Variants in PHF2 observed in about 807,000 individuals in gnomAD.
PHF2 encodes the protein PHD finger protein 2.
A neutral mutation model predicts 120.5 loss-of-function variants in PHF2; 27 were observed. That is an observed-to-expected ratio of 0.22 (90% confidence interval 0.17 to 0.31). The LOEUF is 0.31. Ranked by LOEUF, PHF2 falls within the 10% of genes least tolerant of loss-of-function variation. PHF2 has a pLI of 1.00. For synonymous variants in PHF2, 568 were observed against 592.5 expected, an observed-to-expected ratio of 0.96 and a Z score of 0.60; for missense variants, 1,024 against 1,434.8, an observed-to-expected ratio of 0.71 and a Z score of 4.63.
At chr9:93,664,364 C>G (rs983321885) in intron 14 of PHF2, among the ~76,000 whole-genome samples, 1 of 152,142 alleles carries the variant, frequency 6.6e-6, no homozygotes, top group Non-Finnish European at 1.5e-5. Flanking sequence ...GTGGCAACCT[C>G]GAGAGCCTCA....
At chr9:93,578,014 C>T (rs1017958627) in intron 1 of PHF2, among the ~76,000 whole-genome samples, 2 of 152,150 alleles carry the variant, frequency 1.3e-5, no homozygotes, top group East Asian at 1.9e-4. Context: ...GTGGGTGGTC[C>T]GGGATTCTCC....
intron 17 of PHF2, among the ~76,000 whole-genome samples, chr9:93,667,573 A>G (rs910843860): frequency 1.3e-5 from 2 of 152,120 alleles, no homozygotes; most frequent in Admixed American, 6.5e-5. Context: ...CTCAGGGGGC[A>G]GAGGTGTAGC....
chr9:93,654,364 A>AC (rs747931330), intron 6 of PHF2, 49 bp from the exon 7 acceptor site: 1 of 1,587,104 alleles, frequency 6.3e-7, no homozygotes, highest in Admixed American at 1.7e-5. Flanking sequence ...TGCACCCCCG[A>AC]CCCCCGCATC....
chr9:93,669,772 G>T (rs1319571499), intron 17 of PHF2, among the ~76,000 whole-genome samples: 1 of 152,170 alleles, frequency 6.6e-6, no homozygotes, highest in African/African-American at 2.4e-5. Context: ...TGGGCTCCCT[G>T]TGGCAGCTTC....
At chr9:93,615,451 C>T (rs1221217211) in intron 1 of PHF2, among the ~76,000 whole-genome samples, 3 of 152,116 alleles carry the variant, frequency 2.0e-5, no homozygotes, top group Admixed American at 6.5e-5. Context: ...TCTTTACAGC[C>T]ACCAGCTATG....
At position 93,614,129 on chromosome 9, in the gene PHF2, C is replaced by T. The variant is rs375055667; in HGVS notation, c.99-15841C>T. 9.9e-5 allele frequency among the ~76,000 whole-genome samples: 15 copies of T among 152,228 alleles called. 1 individual carries two copies. The highest frequency in any genetic ancestry group is 3.1e-4 in the African/African-American group (13 of 41,450). On this transcript the variant is annotated intron_variant, in intron 1 of 21. Transcript: ENST00000359246. ...TGCCCTCTACCTTAGACCATGGCCA[C>T]CTCCCTCTAGAGTGAGTGACTTTGG...
Position 93,676,617 on chromosome 9 carries a change from A to G in PHF2, c.2856A>G (p.Lys952=). The G allele has an allele frequency of 1.9e-6, 3 of 1,601,752 alleles. No homozygotes were observed. Among genetic ancestry groups the G allele is most frequent in the Non-Finnish European group, 2.6e-6 (3 of 1,171,136 alleles). ...AGGAGGAGCAGAAAAGCAAGAAAAA[A>G]AAGAGTGCCAAGAGGAAGCTGACTC... ...SQQEEQKSKK[K]KSAKRKLTPN... is the part of the protein sequence containing the mutation. The change falls in exon 21 of 22, where the codon AAA becomes AAG. Residue 952 remains lysine (K), a synonymous_variant. Transcript: ENST00000359246.
At chr9:93,668,473 C>T (rs1053630588) in intron 17 of PHF2, among the ~76,000 whole-genome samples, 1 of 152,158 alleles carries the variant, frequency 6.6e-6, no homozygotes, top group Non-Finnish European at 1.5e-5. Context: ...CTAGGCCCCT[C>T]CCGAGGTCCA....
intron 18 of PHF2, among the ~76,000 whole-genome samples, chr9:93,674,652 G>C (rs1189321022): frequency 1.3e-5 from 2 of 152,146 alleles, no homozygotes; most frequent in African/African-American, 4.8e-5. Flanking sequence ...CTGGGGCTAG[G>C]CTGCACAGAT....
Position 93,673,567 on chromosome 9 carries a change from GTC to G in PHF2, c.2349-12_2349-11del, listed in dbSNP as rs2118134377. Reference sequence around the variant, plus strand: ...GCCAAGAGCACTGGGCTGAGTGCCTGTCTCTCTGTGCCCCTAGCCAGCCCCCG... The same window carrying G: ...GCCAAGAGCACTGGGCTGAGTGCCTGTCTCTGTGCCCCTAGCCAGCCCCCG... On this transcript the variant is annotated splice_polypyrimidine_tract_variant and intron_variant, in intron 17 of 21. Transcript: ENST00000359246. 2 of 1,540,504 alleles carry G rather than the reference GTC, an allele frequency of 1.3e-6. No homozygotes were observed. Among genetic ancestry groups the G allele is most frequent in the Non-Finnish European group, 8.8e-7 (1 of 1,139,414 alleles).
chr9:93,654,921 C>T (rs1042446616), intron 7 of PHF2, among the ~76,000 whole-genome samples: 1 of 152,200 alleles, frequency 6.6e-6, no homozygotes, highest in African/African-American at 2.4e-5. Flanking sequence ...GAGCCCATGG[C>T]TGGAGACCCA....
At chr9:93,635,869 A>AG (rs1022251769) in intron 2 of PHF2, among the ~76,000 whole-genome samples, 1 of 152,086 alleles carries the variant, frequency 6.6e-6, no homozygotes, top group African/African-American at 2.4e-5. Context: ...GGCGGTGGTC[A>AG]GGGGAGGGCT....
rs905164226 is a variant in PHF2, at chr9:93,625,468, C to CTTT, written c.99-4478_99-4476dup. ...TATGTACAAGGATTTGTTTGAGTACCTTTTTTTTTTTTTTTTTTTTTTTTT... is the reference window on the plus strand; with the variant it reads ...TATGTACAAGGATTTGTTTGAGTACCTTTTTTTTTTTTTTTTTTTTTTTTTTTT... On this transcript the variant is annotated intron_variant, in intron 1 of 21. Transcript: ENST00000359246. 7.8e-4 allele frequency among the ~76,000 whole-genome samples: 74 copies of CTTT among 94,710 alleles called. 8 individuals carry two copies. The highest frequency in any genetic ancestry group is 3.4e-3 in the African/African-American group (64 of 18,718). The allele number at this position is 94,710 out of a possible 152,430, so 62.1% of individuals were successfully genotyped here.
intron 1 of PHF2, among the ~76,000 whole-genome samples, chr9:93,585,838 T>C (rs1863032071): frequency 6.6e-6 from 1 of 152,226 alleles, no homozygotes; most frequent in Admixed American, 6.5e-5. Flanking sequence ...CCGGGAAAGC[T>C]TGGGCCATTG....
chr9:93,577,026 C>G (rs1211574796), intron 1 of PHF2, among the ~76,000 whole-genome samples, 155 bp downstream of exon 1: 8 of 145,764 alleles, frequency 5.5e-5, no homozygotes, highest in African/African-American at 9.8e-5. Flanking sequence ...GGGGCTGGGC[C>G]GTGCCGGGCC....
At chr9:93,591,320 A>G (rs577905811) in intron 1 of PHF2, among the ~76,000 whole-genome samples, 2 of 152,382 alleles carry the variant, frequency 1.3e-5, no homozygotes, top group South Asian at 4.1e-4. Flanking sequence ...AGGAAGATGT[A>G]ATGAAATTAG....
rs1158735768 is a variant in PHF2, at chr9:93,596,925, ATTTTTTT to A, written c.98+20073_98+20079del. Among the ~76,000 whole-genome samples, 274 of 88,506 alleles carry A rather than the reference ATTTTTTT, an allele frequency of 3.1e-3. 2 individuals carry two copies. The highest frequency in any genetic ancestry group is 0.012 in the African/African-American group (254 of 21,492). The allele number at this position is 88,506 out of a possible 152,430, so 58.1% of individuals were successfully genotyped here. A position where few individuals can be genotyped will look rare whatever the true frequency, so the allele number is the denominator to read the frequency against. ...AGGCACGCGCCAGCACGCCCAGCTA[ATTTTTTT>A]TTTTTTTTTTTTTTTTTTGAGACAG... On this transcript the variant is annotated intron_variant, in intron 1 of 21. Transcript: ENST00000359246.
At chr9:93,640,418 T>C (rs1306784041) in intron 3 of PHF2, among the ~76,000 whole-genome samples, 1 of 152,062 alleles carries the variant, frequency 6.6e-6, no homozygotes, top group African/African-American at 2.4e-5. Context: ...GGATTTCAGG[T>C]TGGAAGTTTT....
chr9:93,602,452 T>C (rs7869286), intron 1 of PHF2, among the ~76,000 whole-genome samples: 124,611 of 151,634 alleles, frequency 0.82, 51,713 homozygotes, highest in East Asian at 0.94. Flanking sequence ...GGGGTTTTAC[T>C]GTGTTGCCCA....
Sources: gnomAD v4.1 joint callset for allele counts (sites outside exome capture counted in the v4.1 genomes callset) on GRCh38, gnomAD v4.1.1 for gene constraint, MANE v1.5 for transcripts, NCBI Gene and HGNC (gene_info 2026-07-23, HGNC 2026-07-21) for gene names.